Variants in ARHGAP42 observed in about 807,000 individuals in gnomAD.
The protein encoded by ARHGAP42 is rho GTPase-activating protein 42.
ARHGAP42 carries 63 observed loss-of-function variants against 125.0 expected under a neutral mutation model. That is an observed-to-expected ratio of 0.50 (90% CI 0.41 to 0.62). The LOEUF (loss-of-function observed/expected upper bound fraction) is 0.62, where lower values mean the gene tolerates loss of function less well. ARHGAP42 is among the 20% of genes least tolerant of loss of function. The pLI is 0.00. For missense variants in ARHGAP42, 766 were observed against 1,024.2 expected (o/e 0.75, Z 3.44); for synonymous variants, 339 against 351.0 (o/e 0.97, Z 0.38).
At chr11:100,776,143 G>C (rs1034198651) in intron 2 of ARHGAP42, among the ~76,000 whole-genome samples, 1 of 134,410 alleles carries the variant, frequency 7.4e-6, no homozygotes, top group Non-Finnish European at 1.6e-5. Flanking sequence ...TGGGCAACAA[G>C]AGCAAAACTC....
chr11:100,899,725 T>TA (rs1866482759), intron 4 of ARHGAP42, among the ~76,000 whole-genome samples: 1 of 77,952 alleles, frequency 1.3e-5, no homozygotes, highest in African/African-American at 8.2e-5. Flanking sequence ...GTGTTTTGTT[T>TA]TTTTTTTTGT....
chr11:100,975,705 C>T (rs1207278899), intron 19 of ARHGAP42, among the ~76,000 whole-genome samples: 1 of 152,122 alleles, frequency 6.6e-6, no homozygotes, highest in Non-Finnish European at 1.5e-5. Flanking sequence ...ATGAAGGAAT[C>T]TTATTTCTCT....
At chr11:100,894,709 T>C (rs369689054) in intron 4 of ARHGAP42, among the ~76,000 whole-genome samples, 3 of 152,202 alleles carry the variant, frequency 2.0e-5, no homozygotes, top group African/African-American at 7.2e-5. Flanking sequence ...TCCTTCCTTA[T>C]AGCCTTTCAT....
chr11:100,826,865 G>C (rs1360124814), intron 3 of ARHGAP42, among the ~76,000 whole-genome samples: 1 of 152,108 alleles, frequency 6.6e-6, no homozygotes, highest in Non-Finnish European at 1.5e-5. Context: ...GATCAAGCTA[G>C]AGATTTTCAA....
intron 1 of ARHGAP42, among the ~76,000 whole-genome samples, chr11:100,739,907 G>T (rs1182574158): frequency 6.6e-6 from 1 of 152,084 alleles, no homozygotes; most frequent in Non-Finnish European, 1.5e-5. Flanking sequence ...CCACAGTCCA[G>T]CTGCAGCTTT....
intron 5 of ARHGAP42, among the ~76,000 whole-genome samples, chr11:100,916,282 C>A (rs1867061188): frequency 6.6e-6 from 1 of 152,052 alleles, no homozygotes. Context: ...GTAGAAAGAC[C>A]TGAATGCATA....
intron 1 of ARHGAP42, among the ~76,000 whole-genome samples, chr11:100,751,273 G>A (rs1862446530): frequency 1.6e-5 from 2 of 124,764 alleles, no homozygotes; most frequent in Non-Finnish European, 1.6e-5. Flanking sequence ...TATAGTGTGT[G>A]TGTGTGTTTT....
At chr11:100,820,526 A>G (rs990644101) in intron 3 of ARHGAP42, among the ~76,000 whole-genome samples, 2 of 152,314 alleles carry the variant, frequency 1.3e-5, no homozygotes, top group Middle Eastern at 3.4e-3. Flanking sequence ...AACTCCAGTC[A>G]TGCTTTAAAA....
chr11:100,944,442 T>C (rs1182133380), intron 10 of ARHGAP42, among the ~76,000 whole-genome samples: 3 of 152,118 alleles, frequency 2.0e-5, no homozygotes, highest in East Asian at 3.9e-4. Context: ...CTGTAATCCA[T>C]GATCTATCTT....
At chr11:100,695,769 A>G (rs1340510399) in intron 1 of ARHGAP42, among the ~76,000 whole-genome samples, 2 of 152,220 alleles carry the variant, frequency 1.3e-5, no homozygotes, top group African/African-American at 2.4e-5. Flanking sequence ...TTGTGGAATA[A>G]TAGTAATAGT....
intron 1 of ARHGAP42, among the ~76,000 whole-genome samples, chr11:100,724,672 C>T (rs531950817): frequency 1.9e-4 from 26 of 136,364 alleles, no homozygotes; most frequent in African/African-American, 7.3e-4. Context: ...ATTTCATTTC[C>T]GATATTTGGG....
rs138646170 is a variant in ARHGAP42, at chr11:100,934,956, G to T, written c.703-1247G>T. Among the ~76,000 whole-genome samples the T allele has an allele frequency of 3.3e-5, 5 of 151,914 alleles. No individual in the cohort carries two copies. In the East Asian group the frequency reaches 9.7e-4, roughly 29 times the overall value. On this transcript the variant is annotated intron_variant, in intron 7 of 23. Transcript: ENST00000298815. ...GGCTTTTACAGTTACTATTAAAAGCGAAAATTATAAAAGCTGACGTATTTT... is the reference window on the plus strand; with the variant it reads ...GGCTTTTACAGTTACTATTAAAAGCTAAAATTATAAAAGCTGACGTATTTT...
At chr11:100,965,974 A>G (rs1328136572) in intron 17 of ARHGAP42, among the ~76,000 whole-genome samples, 198 bp downstream of exon 17, 1 of 152,224 alleles carries the variant, frequency 6.6e-6, no homozygotes, top group Non-Finnish European at 1.5e-5. Context: ...TTATTTGCAT[A>G]TAATTATGCA....
intron 1 of ARHGAP42, among the ~76,000 whole-genome samples, chr11:100,754,549 A>G (rs1390962847): frequency 1.3e-5 from 2 of 152,236 alleles, no homozygotes; most frequent in Non-Finnish European, 2.9e-5. Context: ...TGATTACATG[A>G]TTCAGGTTAG....
At chr11:100,969,016 A>T (rs1858170668) in intron 17 of ARHGAP42, among the ~76,000 whole-genome samples, 1 of 152,240 alleles carries the variant, frequency 6.6e-6, no homozygotes, top group South Asian at 2.1e-4. Flanking sequence ...CCTGAAGAAC[A>T]TCTTTTAGTA....
chr11:100,940,012 C>A (rs1251875439), intron 8 of ARHGAP42, among the ~76,000 whole-genome samples: 1 of 152,108 alleles, frequency 6.6e-6, no homozygotes, highest in Non-Finnish European at 1.5e-5. Flanking sequence ...GCTCGTAAGT[C>A]TTTAGGTATT....
At chr11:100,948,337 T>C (rs1247537567) in intron 10 of ARHGAP42, 120 bp from the exon 11 acceptor site, 6 of 711,286 alleles carry the variant, frequency 8.4e-6, no homozygotes, top group Non-Finnish European at 1.1e-5. Context: ...TATGTTTTTC[T>C]CCTCTGTCTT....
At chr11:100,923,561 A>G (rs1867338169) in intron 6 of ARHGAP42, among the ~76,000 whole-genome samples, 1 of 151,338 alleles carries the variant, frequency 6.6e-6, no homozygotes, top group Non-Finnish European at 1.5e-5. Context: ...ATTGTAAAAA[A>G]ATGTTCGTTC....
intron 1 of ARHGAP42, among the ~76,000 whole-genome samples, chr11:100,698,361 C>T (rs1326955017): frequency 6.6e-6 from 1 of 152,194 alleles, no homozygotes; most frequent in Admixed American, 6.5e-5. Flanking sequence ...GTCCCAGCTA[C>T]TCGGAAGGCT....
Sources: allele counts gnomAD v4.1 joint callset (sites outside exome capture counted in the v4.1 genomes callset), GRCh38; gene constraint gnomAD v4.1.1; transcripts MANE v1.5; gene names NCBI Gene and HGNC (gene_info 2026-07-23, HGNC 2026-07-21).